The following CRLS1 variants were observed in gnomAD, a reference collection of about 807,000 sequenced individuals.
CRLS1 encodes the protein cardiolipin synthase (CMP-forming).
Under a neutral mutation model 37.0 loss-of-function variants are expected in CRLS1, and 24 were observed. The ratio of observed to expected loss-of-function variants is 0.65; its 90% CI spans 0.47 to 0.91. The LOEUF (loss-of-function observed/expected upper bound fraction) is 0.91, where lower values mean the gene tolerates loss of function less well. CRLS1 is among the 40% of genes least tolerant of loss of function. The pLI is 0.00. For missense variants in CRLS1, 373 were observed against 395.8 expected, an observed-to-expected ratio of 0.94 and a Z score of 0.49; for synonymous variants, 135 against 159.7, an observed-to-expected ratio of 0.85 and a Z score of 1.17.
chr20:6,009,316 C>G (rs1333060422), intron 1 of CRLS1, among the ~76,000 whole-genome samples: 3 of 131,656 alleles, frequency 2.3e-5, no homozygotes, highest in Non-Finnish European at 4.8e-5. Context: ...GAACTAGACT[C>G]CATCTCAAAA....
At chr20:6,022,400 G>A (rs8118892) in intron 3 of CRLS1, among the ~76,000 whole-genome samples, 6 of 141,706 alleles carry the variant, frequency 4.2e-5, no homozygotes, top group Non-Finnish European at 7.5e-5. Flanking sequence ...GTGCAGTGGT[G>A]TGATCTCGGC....
intron 3 of CRLS1, 186 bp downstream of exon 3, chr20:6,015,676 CT>C (rs1978692770): frequency 1.8e-6 from 1 of 555,252 alleles, no homozygotes; most frequent in Non-Finnish European, 3.2e-6. Context: ...AATTTATGTC[CT>C]TGTTTTACTA....
At chr20:6,025,397 A>T (rs74841729) in intron 3 of CRLS1, among the ~76,000 whole-genome samples, 12,738 of 152,252 alleles carry the variant, frequency 0.084, 755 homozygotes, top group Middle Eastern at 0.2. Flanking sequence ...TAAGCCTACA[A>T]TTGAGACCTA....
At chr20:6,011,837 C>T (rs970226605) in intron 2 of CRLS1, among the ~76,000 whole-genome samples, 12 of 151,660 alleles carry the variant, frequency 7.9e-5, no homozygotes, top group East Asian at 1.9e-4. Context: ...CCACCCACCT[C>T]GGCCTCCCTC....
At chr20:6,019,355 T>C (rs555599246) in intron 3 of CRLS1, among the ~76,000 whole-genome samples, 148 of 152,280 alleles carry the variant, frequency 9.7e-4, no homozygotes, top group Non-Finnish European at 1.5e-3. Context: ...TCATACGGTG[T>C]TTATGGTATC....
In CRLS1 at chr20:6,034,510, C is replaced by G. The variant is rs1453009052; in HGVS notation, c.776C>G (p.Ala259Gly). 6.2e-7 allele frequency: 1 copy of G among 1,613,094 alleles called. No individual in the cohort carries two copies. The highest frequency in any genetic ancestry group is 2.2e-5 in the East Asian group (1 of 44,878). Residue 259 changes from alanine to glycine, a missense_variant, in exon 6 of 7, where the codon GCT becomes GGT. Coordinates refer to ENST00000378863, the MANE Select transcript of CRLS1 (RefSeq NM_019095.6). Reference protein sequence around the residue: ...QLILVAASLAAPVFNYADSIY... With the variant: ...QLILVAASLAGPVFNYADSIY... Reference sequence around the variant, plus strand: ...ATCTTGGTGGCAGCTTCTTTGGCAGCTCCAGTTTTCAACTATGCTGACAGC... The same window carrying G: ...ATCTTGGTGGCAGCTTCTTTGGCAGGTCCAGTTTTCAACTATGCTGACAGC...
chr20:6,009,734 T>G, intron 1 of CRLS1, 41 bp from the exon 2 acceptor site: 1 of 1,557,054 alleles, frequency 6.4e-7, no homozygotes, highest in South Asian at 1.2e-5. Context: ...AAGTATGAAT[T>G]CATAGTATTT....
Position 6,015,457 on chromosome 20 carries a change from T to C in CRLS1, c.541T>C (p.Tyr181His). 9.9e-6 allele frequency: 16 copies of C among 1,613,098 alleles called. No individual in the cohort carries two copies. The highest frequency in any genetic ancestry group is 1.7e-5 in the Admixed American group (1 of 60,012). ...TGATAAAATACTTATCAGTATCTTA[T>C]ATGTTAGCTTGACCTATGCAGATCT... Reference protein sequence around the residue: ...LADKILISILYVSLTYADLIP... With the variant: ...LADKILISILHVSLTYADLIP... The change falls in exon 3 of 7, where the codon TAT (tyrosine) becomes CAT (histidine). Residue 181 changes from tyrosine (Y) to histidine (H), a missense_variant. Coordinates refer to ENST00000378863, the MANE Select transcript of CRLS1 (RefSeq NM_019095.6).
intron 1 of CRLS1, chr20:6,007,342 A>G (rs1293316535): frequency 3.1e-6 from 5 of 1,610,300 alleles, no homozygotes; most frequent in East Asian, 2.2e-5. Flanking sequence ...AATGCTGGAT[A>G]CTTTGAAGTT....
intron 1 of CRLS1, among the ~76,000 whole-genome samples, chr20:6,008,670 A>G (rs1267509723): frequency 6.6e-6 from 1 of 152,052 alleles, no homozygotes; most frequent in African/African-American, 2.4e-5. Context: ...TCCTATCTCC[A>G]TTTTCTTCTA....
chr20:6,028,004 C>T (rs1313872799), intron 3 of CRLS1, among the ~76,000 whole-genome samples: 5 of 152,158 alleles, frequency 3.3e-5, no homozygotes, highest in Admixed American at 1.3e-4. Context: ...TACTTATTCT[C>T]TTTGTGTTTT....
intron 3 of CRLS1, among the ~76,000 whole-genome samples, chr20:6,026,876 T>G (rs1465470785): frequency 6.6e-6 from 1 of 152,138 alleles, no homozygotes; most frequent in Non-Finnish European, 1.5e-5. Flanking sequence ...CCAGTGCCCC[T>G]TGGTTCAGAG....
chr20:6,014,616 T>G (rs1978597020), intron 2 of CRLS1, among the ~76,000 whole-genome samples: 1 of 152,228 alleles, frequency 6.6e-6, no homozygotes, highest in East Asian at 1.9e-4. Flanking sequence ...GCCAGACCGC[T>G]CCCTTCTCAA....
At chr20:6,006,744 G>A (rs73072309) in intron 1 of CRLS1, 192 bp downstream of exon 1, 44,201 of 985,292 alleles carry the variant, frequency 0.045, 1,036 homozygotes, top group Admixed American at 0.066. Flanking sequence ...GTCCACCTAC[G>A]GTCTCTGTGG....
At chr20:6,008,654 C>A (rs2090091853) in intron 1 of CRLS1, among the ~76,000 whole-genome samples, 1 of 152,218 alleles carries the variant, frequency 6.6e-6, no homozygotes, top group African/African-American at 2.4e-5. Flanking sequence ...ATATCACAAT[C>A]CCTATTCCTA....
intron 1 of CRLS1, among the ~76,000 whole-genome samples, chr20:6,009,506 A>T (rs2090104136): frequency 6.6e-6 from 1 of 151,750 alleles, no homozygotes; most frequent in Non-Finnish European, 1.5e-5. Flanking sequence ...GGCTTAAGGG[A>T]TCCTCCCGCC....
chr20:6,018,623 T>G (rs1978959865), intron 3 of CRLS1, among the ~76,000 whole-genome samples: 1 of 152,192 alleles, frequency 6.6e-6, no homozygotes, highest in Non-Finnish European at 1.5e-5. Context: ...AGAGTTTTTC[T>G]CACAATTGGG....
At chr20:6,027,328 AC>A (rs1344676652) in intron 3 of CRLS1, among the ~76,000 whole-genome samples, 1 of 150,704 alleles carries the variant, frequency 6.6e-6, no homozygotes, top group Non-Finnish European at 1.5e-5. Flanking sequence ...CAGGTGATCC[AC>A]CTGCCTCGGC....
intron 2 of CRLS1, among the ~76,000 whole-genome samples, chr20:6,011,572 C>CT (rs559511975): frequency 0.05 from 1,396 of 27,768 alleles, 301 homozygotes; most frequent in East Asian, 0.12. Context: ...TTTGTCCCTG[C>CT]TTTTTTTTTT....
Sources: allele counts gnomAD v4.1 joint callset (sites outside exome capture counted in the v4.1 genomes callset), GRCh38; gene constraint gnomAD v4.1.1; transcripts MANE v1.5; gene names NCBI Gene and HGNC (gene_info 2026-07-23, HGNC 2026-07-21).